The following KDM4C variants were observed in gnomAD, a reference collection of about 807,000 sequenced individuals.
KDM4C encodes the protein lysine-specific demethylase 4C.
In KDM4C, 81 loss-of-function variants were observed where a neutral mutation model predicts 129.3. The observed-to-expected ratio is 0.63, with a 90% CI of 0.52 to 0.75. The LOEUF (loss-of-function observed/expected upper bound fraction) is 0.75, where lower values mean the gene tolerates loss of function less well. KDM4C is among the 30% of genes least tolerant of loss of function. KDM4C has a pLI of 0.00. For missense variants in KDM4C, 1,457 were observed against 1,304.0 expected, an observed-to-expected ratio of 1.12 and a Z score of -1.81; for synonymous variants, 573 against 456.1, an observed-to-expected ratio of 1.26 and a Z score of -3.26.
At chr9:6,879,889 G>A (rs1433427265) in intron 5 of KDM4C, 123 bp from the exon 6 acceptor site, 1 of 509,236 alleles carries the variant, frequency 2.0e-6, no homozygotes, top group East Asian at 3.0e-5. Flanking sequence ...TCTCTACTCA[G>A]TTCATCTAAG....
chr9:6,997,238 G>A (rs150391365), intron 12 of KDM4C, among the ~76,000 whole-genome samples: 3 of 152,178 alleles, frequency 2.0e-5, no homozygotes, highest in African/African-American at 4.8e-5. Flanking sequence ...AGTTGTGGCC[G>A]TTGAGGAGAA....
chr9:7,076,404 G>A (rs1222322040), intron 17 of KDM4C: 9 of 1,467,802 alleles, frequency 6.1e-6, no homozygotes, highest in Non-Finnish European at 8.4e-6. Context: ...TGGCATATTG[G>A]ACTTTTAAAA....
chr9:6,807,572 A>C (rs1446670038), intron 3 of KDM4C, among the ~76,000 whole-genome samples: 69 of 140,582 alleles, frequency 4.9e-4, no homozygotes, highest in Non-Finnish European at 4.2e-4. Flanking sequence ...TGCCCGGCCG[A>C]GACCCCGTCT....
At chr9:6,879,307 A>C (rs940418875) in intron 5 of KDM4C, among the ~76,000 whole-genome samples, 3 of 152,238 alleles carry the variant, frequency 2.0e-5, no homozygotes, top group Admixed American at 6.5e-5. Flanking sequence ...TTGTTGTTTT[A>C]AAATTTCTTA....
chr9:6,996,620 C>T (rs1251753357), intron 12 of KDM4C, among the ~76,000 whole-genome samples: 2 of 152,134 alleles, frequency 1.3e-5, no homozygotes, highest in African/African-American at 2.4e-5. Context: ...TGCTAGTGTA[C>T]AGAGGACGTC....
intron 17 of KDM4C, among the ~76,000 whole-genome samples, chr9:7,068,781 C>G (rs971962263): frequency 2.6e-4 from 39 of 149,120 alleles, no homozygotes; most frequent in African/African-American, 9.7e-4. Flanking sequence ...ACTGCATCCT[C>G]CTTCTCCCAG....
At chr9:7,119,694 C>A (rs2133281706) in intron 18 of KDM4C, among the ~76,000 whole-genome samples, 1 of 151,712 alleles carries the variant, frequency 6.6e-6, no homozygotes, top group South Asian at 2.1e-4. Context: ...TGTTTGTAAT[C>A]TTCTGTGTTT....
At chr9:6,911,995 G>C (rs1391727392) in intron 8 of KDM4C, among the ~76,000 whole-genome samples, 1 of 152,182 alleles carries the variant, frequency 6.6e-6, no homozygotes, top group Non-Finnish European at 1.5e-5. Flanking sequence ...GAGGAAGGTG[G>C]AAACCCAGTG....
intron 5 of KDM4C, 55 bp from the exon 6 acceptor site, chr9:6,879,957 G>C (rs1844183814): frequency 1.2e-6 from 1 of 840,608 alleles, no homozygotes; most frequent in East Asian, 2.6e-5. Flanking sequence ...ATGTCCTTAG[G>C]CTACTAGCTG....
At chr9:6,936,141 G>C (rs1488589631) in intron 8 of KDM4C, among the ~76,000 whole-genome samples, 4 of 152,120 alleles carry the variant, frequency 2.6e-5, no homozygotes, top group Admixed American at 1.3e-4. Flanking sequence ...TCAAATCCTA[G>C]AGAGAAGGGA....
chr9:6,857,857 C>G (rs184433904), intron 5 of KDM4C, among the ~76,000 whole-genome samples: 1 of 149,732 alleles, frequency 6.7e-6, no homozygotes, highest in Non-Finnish European at 1.5e-5. Context: ...CGGGCTCAAG[C>G]GATCCTCCCA....
chr9:7,155,783 A>C (rs11790023), intron 19 of KDM4C, among the ~76,000 whole-genome samples: 34,275 of 152,098 alleles, frequency 0.23, 4,022 homozygotes, highest in Middle Eastern at 0.34. Context: ...GTTGGTTCCA[A>C]GTCTTTGCTA....
intron 17 of KDM4C, among the ~76,000 whole-genome samples, chr9:7,084,904 C>T (rs556610876): frequency 2.0e-5 from 3 of 152,132 alleles, no homozygotes; most frequent in Non-Finnish European, 2.9e-5. Context: ...ATACGTTAAA[C>T]AAATGATTAG....
At chr9:6,798,190 TTC>T (rs759342860) in intron 2 of KDM4C, among the ~76,000 whole-genome samples, 4 of 152,212 alleles carry the variant, frequency 2.6e-5, no homozygotes, top group Admixed American at 6.5e-5. Flanking sequence ...TGTGCCTTGC[TTC>T]TCTGTCTTTA....
At position 7,011,795 on chromosome 9, in the gene KDM4C, C is replaced by T. The variant is rs763239241; in HGVS notation, c.1884C>T (p.Phe628=). ...TTTGGCAGACGAAGTCCCCTAACTT[C>T]GCAGCTGAGCAAGAGTATAATGCAA... ...IHLWQTKSPN[F]AAEQEYNATV... Residue 628 remains phenylalanine, a synonymous_variant, in exon 13 of 22, where the codon TTC becomes TTT. Coordinates refer to ENST00000381309, the MANE Select transcript of KDM4C (RefSeq NM_015061.6). 15 of 1,613,978 alleles carry T rather than the reference C, an allele frequency of 9.3e-6. No individual in the cohort carries two copies. Among genetic ancestry groups the T allele is most frequent in the African/African-American group, 4.0e-5 (3 of 74,906 alleles).
chr9:6,947,021 G>T (rs1827092928), intron 8 of KDM4C, among the ~76,000 whole-genome samples: 1 of 152,108 alleles, frequency 6.6e-6, no homozygotes, highest in African/African-American at 2.4e-5. Context: ...GATTATTATG[G>T]AAGAGGTCAG....
chr9:6,945,102 C>A (rs1826707954), intron 8 of KDM4C, among the ~76,000 whole-genome samples: 1 of 152,080 alleles, frequency 6.6e-6, no homozygotes, highest in Non-Finnish European at 1.5e-5. Flanking sequence ...CACAGACATA[C>A]CTTCCACCTC....
intron 8 of KDM4C, among the ~76,000 whole-genome samples, chr9:6,899,746 A>G (rs1817080806): frequency 6.6e-6 from 1 of 152,206 alleles, no homozygotes; most frequent in Non-Finnish European, 1.5e-5. Context: ...GACTTCAGGT[A>G]TGATGGTATC....
At chr9:6,904,839 CG>C (rs1172831185) in intron 8 of KDM4C, among the ~76,000 whole-genome samples, 1 of 151,874 alleles carries the variant, frequency 6.6e-6, no homozygotes, top group Non-Finnish European at 1.5e-5. Flanking sequence ...AGTAACTAAA[CG>C]GCGTTAGTCA....
Sources: gnomAD v4.1 joint callset for allele counts (sites outside exome capture counted in the v4.1 genomes callset) on GRCh38, gnomAD v4.1.1 for gene constraint, MANE v1.5 for transcripts, NCBI Gene and HGNC (gene_info 2026-07-23, HGNC 2026-07-21) for gene names.